The following STK32C variants were observed in gnomAD, a reference collection of about 807,000 sequenced individuals.
STK32C encodes serine/threonine-protein kinase 32C.
Under a neutral mutation model 56.5 loss-of-function variants are expected in STK32C, and 31 were observed. The ratio of observed to expected loss-of-function variants is 0.55; its 90% CI spans 0.41 to 0.74. The LOEUF (loss-of-function observed/expected upper bound fraction) is 0.74. STK32C is among the 30% of genes least tolerant of loss of function. The pLI is 0.00. For missense variants in STK32C, 544 were observed against 676.9 expected, an observed-to-expected ratio of 0.80 and a Z score of 2.18; for synonymous variants, 309 against 289.4, an observed-to-expected ratio of 1.07 and a Z score of -0.69.
intron 10 of STK32C, among the ~76,000 whole-genome samples, chr10:132,214,764 G>A (rs886523355): frequency 2.0e-5 from 3 of 152,184 alleles, no homozygotes; most frequent in Non-Finnish European, 2.9e-5. Context: ...CCGTCACAAG[G>A]CATCCCACTG....
chr10:132,329,472 A>T (rs1329629881), intron 1 of STK32C, among the ~76,000 whole-genome samples: 1 of 152,218 alleles, frequency 6.6e-6, no homozygotes, highest in Non-Finnish European at 1.5e-5. Flanking sequence ...AGATAAAGAA[A>T]GAAAACAGCC....
At chr10:132,325,470 G>A (rs1024168534) in intron 1 of STK32C, among the ~76,000 whole-genome samples, 14 of 151,314 alleles carry the variant, frequency 9.3e-5, no homozygotes, top group African/African-American at 1.5e-4. Flanking sequence ...GGAGAATGGC[G>A]TGAACCCAGG....
chr10:132,268,078 T>C (rs1277845363), intron 1 of STK32C, among the ~76,000 whole-genome samples: 6 of 151,170 alleles, frequency 4.0e-5, no homozygotes, highest in Non-Finnish European at 5.9e-5. Context: ...GTCGTGTGTG[T>C]GTGTGTCGGT....
At position 132,243,088 on chromosome 10, in the gene STK32C, G is replaced by C. The variant is rs2063562567; in HGVS notation, c.318+2812C>G. Among the ~76,000 whole-genome samples the C allele has an allele frequency of 2.0e-5, 3 of 152,328 alleles. No homozygotes were observed. In the East Asian group the frequency reaches 5.8e-4, roughly 29 times the overall value. On this transcript the variant is annotated intron_variant, in intron 2 of 11. Coordinates refer to ENST00000298630, the MANE Select transcript of STK32C (RefSeq NM_173575.4). ...CCCCAGCCAAGCCTGGTCCCAGAGA[G>C]ACCCTGGGGCAGCGACCTCCCCTCA...
At chr10:132,304,907 G>A (rs1163797725) in intron 1 of STK32C, among the ~76,000 whole-genome samples, 1 of 152,222 alleles carries the variant, frequency 6.6e-6, no homozygotes, top group Non-Finnish European at 1.5e-5. Flanking sequence ...GCGGGCTAAT[G>A]CCACGTCAGG....
At chr10:132,220,804 C>T (rs1025668619) in intron 10 of STK32C, among the ~76,000 whole-genome samples, 2 of 152,196 alleles carry the variant, frequency 1.3e-5, no homozygotes, top group Non-Finnish European at 2.9e-5. Flanking sequence ...AAGGCCACGA[C>T]CTCAATGTTA....
chr10:132,279,672 G>GCACTCCATGATCACGACACTC (rs2065095774), intron 1 of STK32C, among the ~76,000 whole-genome samples: 3 of 71,494 alleles, frequency 4.2e-5, no homozygotes, highest in South Asian at 3.7e-4. Context: ...TCAAGCCACT[G>GCACTCCATGATCACGACACTC]CACTCCGTGA....
At chr10:132,281,643 G>A (rs1159917855) in intron 1 of STK32C, among the ~76,000 whole-genome samples, 2 of 152,218 alleles carry the variant, frequency 1.3e-5, no homozygotes, top group Admixed American at 6.5e-5. Context: ...TCTTCTATCA[G>A]AAAAGGGCTC....
At chr10:132,275,633 G>T (rs11146303) in intron 1 of STK32C, among the ~76,000 whole-genome samples, 31,996 of 152,130 alleles carry the variant, frequency 0.21, 4,153 homozygotes, top group Non-Finnish European at 0.31. Flanking sequence ...AGTGGCCAGG[G>T]GCCAGCGCAG....
In STK32C at chr10:132,225,331, C is replaced by A; in HGVS notation, c.778G>T (p.Glu260Ter). 1 of 1,608,196 alleles carries A rather than the reference C, an allele frequency of 6.2e-7. No homozygotes were observed. The highest frequency in any genetic ancestry group is 1.1e-5 in the South Asian group (1 of 90,326). The change falls in exon 7 of 12, where the codon GAG becomes TAG. Residue 260 changes from glutamate (E) to a stop codon, truncating the protein, a stop_gained. Transcript: ENST00000298630. LOFTEE classifies it high-confidence loss of function. ...CCGTTGACAAAAGAGTGGAAGATCT[C>A]CGGAGCTTTCCGACAGAAAGAAGGA... ...LAGTKPYMAPEIFHSFVNGGT... is the reference protein window; with the variant it reads ...LAGTKPYMAP
chr10:132,231,986 G>A (rs1278796892), intron 2 of STK32C, among the ~76,000 whole-genome samples: 3 of 152,258 alleles, frequency 2.0e-5, no homozygotes, highest in Non-Finnish European at 4.4e-5. Flanking sequence ...ACTGAGCTAC[G>A]GAACTTGGTT....
chr10:132,263,017 C>T (rs1290607707), intron 1 of STK32C, among the ~76,000 whole-genome samples: 1 of 152,162 alleles, frequency 6.6e-6, no homozygotes, highest in Non-Finnish European at 1.5e-5. Context: ...ATTAGTTCAG[C>T]CACTGTGGAA....
chr10:132,258,265 C>T lies in STK32C; in HGVS notation c.263-12310G>A, dbSNP rs543310048. The stretch of plus-strand genomic sequence containing the variant: ...TCTGCCGGGCACAGCGGGAGCTTTG[C>T]TCCAAGGTGGCATGAGCTCCAGTCT... On this transcript the variant is annotated intron_variant, in intron 1 of 11. Coordinates refer to ENST00000298630, the MANE Select transcript of STK32C (RefSeq NM_173575.4). Among the ~76,000 whole-genome samples, 158 of 152,366 alleles carry T rather than the reference C, an allele frequency of 1.0e-3. 8 individuals carry two copies. In the South Asian group the frequency reaches 0.032, roughly 31 times the overall value.
intron 2 of STK32C, among the ~76,000 whole-genome samples, chr10:132,233,620 C>G (rs1376719060): frequency 2.0e-5 from 3 of 152,212 alleles, no homozygotes; most frequent in Non-Finnish European, 4.4e-5. Flanking sequence ...GATGGCACCA[C>G]CTGGCACTGA....
At chr10:132,320,574 C>A (rs1023752586), downstream of STK32C, among the ~76,000 whole-genome samples, 2 of 152,084 alleles carry the variant, frequency 1.3e-5, no homozygotes, top group African/African-American at 4.8e-5. Context: ...GTTGCTGGAG[C>A]CAAGAAGAGA....
Position 132,331,769 on chromosome 10 carries a change from G to T in STK32C, c.-33C>A, listed in dbSNP as rs376695835. 3.1e-6 allele frequency: 5 copies of T among 1,609,536 alleles called. No individual in the cohort carries two copies. In the South Asian group the frequency reaches 5.5e-5, roughly 18 times the overall value. ...TCTTCCTTCCCCTCTGTGCCAGGCC[G>T]GTCGCCCCTCCAGACCCTCGCGGTC... is the stretch of plus-strand genomic sequence containing the variant. On this transcript the variant is annotated 5_prime_UTR_variant, in exon 1 of 2. Coordinates refer to the STK32C transcript ENST00000368619.
intron 1 of STK32C, among the ~76,000 whole-genome samples, chr10:132,264,168 A>G (rs2064412566): frequency 6.6e-6 from 1 of 152,206 alleles, no homozygotes; most frequent in African/African-American, 2.4e-5. Context: ...TGGTGTGAAG[A>G]GTATGTTCTC....
At position 132,277,568 on chromosome 10, in the gene STK32C, G is replaced by A. The variant is rs377280712; in HGVS notation, c.262+30004C>T. ...TCAGTGGCCAATCACCTGCCTGCCC[G>A]TGGCCCTGCAGGGAATCGGCAAGGA... On this transcript the variant is annotated intron_variant, in intron 1 of 11. Coordinates refer to ENST00000298630, the MANE Select transcript of STK32C (RefSeq NM_173575.4). Among the ~76,000 whole-genome samples the A allele has an allele frequency of 3.3e-5, 5 of 152,214 alleles. No homozygotes were observed. In the South Asian group the frequency reaches 6.2e-4, roughly 19 times the overall value.
chr10:132,280,254 C>G (rs2065130597), intron 1 of STK32C, among the ~76,000 whole-genome samples: 1 of 136,420 alleles, frequency 7.3e-6, no homozygotes, highest in Admixed American at 7.1e-5. Context: ...TGACCACGCC[C>G]CTGCACCCCG....
Sources: gnomAD v4.1 joint callset for allele counts (sites outside exome capture counted in the v4.1 genomes callset) on GRCh38, gnomAD v4.1.1 for gene constraint, MANE v1.5 for transcripts, NCBI Gene and HGNC (gene_info 2026-07-23, HGNC 2026-07-21) for gene names.